Variants in XKR6 observed in about 807,000 individuals in gnomAD.
XKR6 encodes XK-related protein 6.
Under a neutral mutation model 56.7 loss-of-function variants are expected in XKR6, and 22 were observed. That is an observed-to-expected ratio of 0.39 (90% confidence interval 0.28 to 0.55). The LOEUF (loss-of-function observed/expected upper bound fraction) is 0.55, where lower values mean the gene tolerates loss of function less well. XKR6 is among the 20% of genes least tolerant of loss of function. The probability of loss-of-function intolerance (pLI) is 0.66; values close to 1 mark genes in which losing one functional copy is unlikely to be tolerated. For synonymous variants in XKR6, 524 were observed against 387.8 expected, an observed-to-expected ratio of 1.35 and a Z score of -4.13; for missense variants, 852 against 889.0, an observed-to-expected ratio of 0.96 and a Z score of 0.53.
At chr8:11,140,881 G>C (rs1044053683) in intron 1 of XKR6, among the ~76,000 whole-genome samples, 1 of 133,634 alleles carries the variant, frequency 7.5e-6, no homozygotes, top group African/African-American at 3.1e-5. Flanking sequence ...CTGGGCGACA[G>C]AGCGAGACTC....
chr8:10,988,305 G>C (rs1030719502), intron 1 of XKR6, among the ~76,000 whole-genome samples: 2 of 152,202 alleles, frequency 1.3e-5, no homozygotes, highest in African/African-American at 4.8e-5. Flanking sequence ...GCACAAAGTA[G>C]GTGTTCCATT....
At chr8:11,169,376 C>A (rs1802249334) in intron 1 of XKR6, among the ~76,000 whole-genome samples, 1 of 152,090 alleles carries the variant, frequency 6.6e-6, no homozygotes, top group Admixed American at 6.6e-5. Context: ...TATACTTTGC[C>A]ACCATGATGC....
intron 1 of XKR6, among the ~76,000 whole-genome samples, chr8:11,112,630 A>C (rs1234117407): frequency 6.6e-6 from 1 of 152,202 alleles, no homozygotes; most frequent in African/African-American, 2.4e-5. Flanking sequence ...GCATAAAACA[A>C]CACATCAGGA....
chr8:10,959,067 C>T (rs140990812), intron 1 of XKR6, among the ~76,000 whole-genome samples: 2 of 152,332 alleles, frequency 1.3e-5, no homozygotes, highest in East Asian at 1.9e-4. Flanking sequence ...CTCTGAGTTG[C>T]GACCACCTCT....
In XKR6 at chr8:10,956,556, T is replaced by C. The variant is rs571518722; in HGVS notation, c.765-31726A>G. ...TCGACAGAGAGGACAGCGCTAAGCA[T>C]GGCACTCAGATACCACTGGAAAGAC... On this transcript the variant is annotated intron_variant, in intron 1 of 2. Transcript: ENST00000416569. 2.0e-5 allele frequency among the ~76,000 whole-genome samples: 3 copies of C among 152,300 alleles called. No homozygotes were observed. In the East Asian group the frequency reaches 5.8e-4, roughly 29 times the overall value.
intron 2 of XKR6, among the ~76,000 whole-genome samples, chr8:10,906,907 G>T (rs1800202629): frequency 6.6e-6 from 1 of 152,210 alleles, no homozygotes; most frequent in Non-Finnish European, 1.5e-5. Context: ...AATTAGCTGA[G>T]TGTGGTGGCA....
chr8:10,946,820 T>G (rs1801562787), intron 1 of XKR6, among the ~76,000 whole-genome samples: 1 of 152,126 alleles, frequency 6.6e-6, no homozygotes. Flanking sequence ...AGGAAAGGCT[T>G]CTAATTCCAT....
At chr8:11,173,660 C>G (rs570059191) in intron 1 of XKR6, among the ~76,000 whole-genome samples, 1 of 152,144 alleles carries the variant, frequency 6.6e-6, no homozygotes, top group South Asian at 2.1e-4. Context: ...TGGGAAACTC[C>G]CACTGTGAGG....
chr8:11,168,201 T>C (rs145673432), intron 1 of XKR6, among the ~76,000 whole-genome samples: 2 of 152,172 alleles, frequency 1.3e-5, no homozygotes, highest in Admixed American at 6.6e-5. Flanking sequence ...CGAAATTAAC[T>C]GACAGAACAT....
At chr8:11,144,288 C>A (rs371008721) in intron 1 of XKR6, among the ~76,000 whole-genome samples, 1 of 143,876 alleles carries the variant, frequency 7.0e-6, no homozygotes, top group Non-Finnish European at 1.5e-5. Context: ...CTTCTCGGCT[C>A]CCTCCTGAAA....
At chr8:11,119,151 T>C (rs1464184407) in intron 1 of XKR6, among the ~76,000 whole-genome samples, 1 of 152,228 alleles carries the variant, frequency 6.6e-6, no homozygotes, top group Non-Finnish European at 1.5e-5. Context: ...AGTTCTAGTT[T>C]GTTTGCACTG....
chr8:10,955,979 G>T lies in XKR6; in HGVS notation c.765-31149C>A, dbSNP rs113036454. On this transcript the variant is annotated intron_variant, in intron 1 of 2. Transcript: ENST00000416569. ...AGTGGCTGCTCGGTGAGAGGGTGAGGGCAAGACAACAGAAAGATGGAGAAG... is the reference window on the plus strand; with the variant it reads ...AGTGGCTGCTCGGTGAGAGGGTGAGTGCAAGACAACAGAAAGATGGAGAAG... 8.1e-3 allele frequency among the ~76,000 whole-genome samples: 1,237 copies of T among 152,302 alleles called. 6 individuals carry two copies. The highest frequency in any genetic ancestry group is 0.017 in the Middle Eastern group (5 of 294).
At chr8:10,907,869 G>A (rs1209762283) in intron 2 of XKR6, among the ~76,000 whole-genome samples, 1 of 152,202 alleles carries the variant, frequency 6.6e-6, no homozygotes, top group Middle Eastern at 3.2e-3. Context: ...CAAAGCTGAT[G>A]ACACTTCTGT....
intron 1 of XKR6, among the ~76,000 whole-genome samples, chr8:11,005,494 G>A (rs1478171135): frequency 6.6e-6 from 1 of 152,068 alleles, no homozygotes; most frequent in Non-Finnish European, 1.5e-5. Flanking sequence ...CGGTGGTAAT[G>A]GTTGTACAAC....
chr8:11,179,097 T>A (rs1324853381), intron 1 of XKR6, among the ~76,000 whole-genome samples: 1 of 140,782 alleles, frequency 7.1e-6, no homozygotes, highest in African/African-American at 2.6e-5. Context: ...CCTCAAGCAA[T>A]CCTCCCGCAT....
intron 1 of XKR6, among the ~76,000 whole-genome samples, chr8:10,978,716 C>T (rs181185763): frequency 4.6e-5 from 7 of 152,344 alleles, no homozygotes; most frequent in Admixed American, 2.6e-4. Context: ...TTGACAAAGA[C>T]GCCCACCCTC....
intron 1 of XKR6, among the ~76,000 whole-genome samples, chr8:11,188,778 C>T (rs1428296263): frequency 6.6e-6 from 1 of 152,188 alleles, no homozygotes; most frequent in Non-Finnish European, 1.5e-5. Flanking sequence ...CTAACCCTCC[C>T]TGCCCTGTGC....
chr8:11,108,352 C>A, intron 1 of XKR6: 1 of 456,152 alleles, frequency 2.2e-6, no homozygotes, highest in South Asian at 1.6e-5. Context: ...GTCACTACTA[C>A]AATTTGAAGT....
chr8:11,088,846 T>A (rs1362564197), intron 1 of XKR6, among the ~76,000 whole-genome samples: 1 of 152,252 alleles, frequency 6.6e-6, no homozygotes, highest in African/African-American at 2.4e-5. Context: ...TTTAATGTGA[T>A]CAATTCCATG....
Sources: allele counts gnomAD v4.1 joint callset (sites outside exome capture counted in the v4.1 genomes callset), GRCh38; gene constraint gnomAD v4.1.1; transcripts MANE v1.5; gene names NCBI Gene and HGNC (gene_info 2026-07-23, HGNC 2026-07-21).